Variants in PFKFB3 observed in about 807,000 individuals in gnomAD.
The protein encoded by PFKFB3 is 6-phosphofructo-2-kinase/fructose-2,6-bisphosphatase 3.
A neutral mutation model predicts 68.0 loss-of-function variants in PFKFB3; 33 were observed. The observed-to-expected ratio is 0.49, with a 90% CI of 0.37 to 0.65. The LOEUF (loss-of-function observed/expected upper bound fraction) is 0.65, where lower values mean the gene tolerates loss of function less well. Ranked by LOEUF, PFKFB3 falls within the 30% of genes least tolerant of loss-of-function variation. PFKFB3 has a pLI of 0.00. For missense variants in PFKFB3, 586 were observed against 712.2 expected, an observed-to-expected ratio of 0.82 and a Z score of 2.02; for synonymous variants, 315 against 288.2, an observed-to-expected ratio of 1.09 and a Z score of -0.94.
At chr10:6,182,171 T>C (rs1442352827) in intron 1 of PFKFB3, among the ~76,000 whole-genome samples, 1 of 152,122 alleles carries the variant, frequency 6.6e-6, no homozygotes, top group Non-Finnish European at 1.5e-5. Flanking sequence ...CCTCCCTGTC[T>C]CCCCAAGTTT....
chr10:6,236,070 C>G (rs556420810), downstream of PFKFB3, among the ~76,000 whole-genome samples: 1 of 152,128 alleles, frequency 6.6e-6, no homozygotes, highest in South Asian at 2.1e-4. Context: ...CCTGGCCCCA[C>G]GTCGGTTTTA....
chr10:6,152,836 G>A (rs573167832), intron 1 of PFKFB3, among the ~76,000 whole-genome samples: 2 of 151,950 alleles, frequency 1.3e-5, no homozygotes, highest in African/African-American at 4.8e-5. Context: ...AGCCTTGATC[G>A]TACCGCTGCA....
At chr10:6,183,694 A>ATT (rs199676467) in intron 1 of PFKFB3, among the ~76,000 whole-genome samples, 14 of 143,636 alleles carry the variant, frequency 9.7e-5, no homozygotes, top group East Asian at 6.0e-4. Context: ...TTTTTTTTTA[A>ATT]TTTTTTTTTT....
chr10:6,316,821 G>T, the PFKFB3 span, among the ~76,000 whole-genome samples: 6 of 152,216 alleles, frequency 3.9e-5, no homozygotes, highest in African/African-American at 1.4e-4. Context: ...TGCATATGAG[G>T]TACAGTCTAC....
rs750211278 is a variant in PFKFB3, at chr10:6,222,876, C to T, written c.1105C>T (p.Arg369Cys). ...TGESYQDLVQ[R>C]LEPVIMELER... is the part of the protein sequence containing the mutation. ...TCAGTCCTACCAGGACCTGGTCCAG[C>T]GCTTGGAGCCAGTGATCATGGAGCT... The change falls in exon 11 of 15, where the codon CGC becomes TGC. Residue 369 changes from arginine to cysteine, a missense_variant. Arg to Cys is a radical substitution (Grantham distance 180). Transcript: ENST00000379775. The T allele has an allele frequency of 9.3e-6, 15 of 1,613,576 alleles. No individual in the cohort carries two copies. The highest frequency in any genetic ancestry group is 1.6e-4 in the Middle Eastern group (1 of 6,068).
intron 1 of PFKFB3, among the ~76,000 whole-genome samples, chr10:6,205,739 C>G (rs560587675): frequency 1.3e-5 from 2 of 151,952 alleles, no homozygotes; most frequent in African/African-American, 4.8e-5. Context: ...TTATAAGTGG[C>G]CTTCTCATTG....
intron 1 of PFKFB3, among the ~76,000 whole-genome samples, chr10:6,206,610 G>T (rs1309964019): frequency 6.6e-6 from 1 of 150,772 alleles, no homozygotes; most frequent in Non-Finnish European, 1.5e-5. Flanking sequence ...CCCGGACGGG[G>T]TGGCTGCCGG....
chr10:6,213,773 C>G, intron 2 of PFKFB3, 25 bp downstream of exon 2: 2 of 1,606,138 alleles, frequency 1.2e-6, no homozygotes, highest in Non-Finnish European at 1.7e-6. Flanking sequence ...CGAGGCCGGA[C>G]CCCTGCTCGT....
In PFKFB3 at chr10:6,228,168, G is replaced by A; in HGVS notation, c.1515+1803G>A. 1 of 1,612,686 alleles carries A rather than the reference G, an allele frequency of 6.2e-7. No individual in the cohort carries two copies. The highest frequency in any genetic ancestry group is 8.5e-7 in the Non-Finnish European group (1 of 1,179,844). ...GCAGATTGCGCCCTGCCTCCTGACT[G>A]ACTTCTCTCTCTGCTTCTCCTCCGC... On this transcript the variant is annotated intron_variant, in intron 14 of 14. Coordinates refer to ENST00000379775, the MANE Select transcript of PFKFB3 (RefSeq NM_004566.4). The surrounding 1 kb of genome is among the most constrained non-coding windows in gnomAD (Gnocchi z 4.5).
chr10:6,183,601 C>CAAAAAA (rs773888395), intron 1 of PFKFB3, among the ~76,000 whole-genome samples: 3 of 127,850 alleles, frequency 2.3e-5, no homozygotes, highest in Admixed American at 8.1e-5. Context: ...CCAGCCTGGT[C>CAAAAAA]AAAAAAAAAA....
rs749129293 is a variant in PFKFB3 at position 6,220,637 on chromosome 10, C to T, written c.624-21C>T. 1.2e-6 allele frequency: 2 copies of T among 1,610,830 alleles called. No homozygotes were observed. Among genetic ancestry groups the T allele is most frequent in the Admixed American group, 3.3e-5 (2 of 59,998 alleles). On this transcript the variant is annotated intron_variant, in intron 7 of 14. Transcript: ENST00000379775. This position sits in a 1 kb window ranked among gnomAD's most constrained non-coding sequence, Gnocchi z 4.1. Reference sequence around the variant, plus strand: ...GTGGGTGGTGGCCTGAGCTGTGGTTCTCGGTGGGGTCTCTCTGCAGGGACT... The same window carrying T: ...GTGGGTGGTGGCCTGAGCTGTGGTTTTCGGTGGGGTCTCTCTGCAGGGACT...
downstream of PFKFB3, among the ~76,000 whole-genome samples, chr10:6,240,437 G>C (rs1210152046): frequency 6.6e-6 from 1 of 151,728 alleles, no homozygotes; most frequent in Non-Finnish European, 1.5e-5. Flanking sequence ...GATAATTTTC[G>C]CATTTTTAGT....
At chr10:6,148,317 T>C (rs1389161773) in intron 1 of PFKFB3, among the ~76,000 whole-genome samples, 1 of 152,220 alleles carries the variant, frequency 6.6e-6, no homozygotes, top group Non-Finnish European at 1.5e-5. Flanking sequence ...CTGGCTAGAA[T>C]GGAGCCAGAG....
chr10:6,226,057 G>A (rs551195910), intron 13 of PFKFB3, 135 bp from the exon 14 acceptor site: 55 of 732,302 alleles, frequency 7.5e-5, no homozygotes, highest in South Asian at 7.0e-4. Flanking sequence ...TCCCTGGCCC[G>A]TGGTCCCGGC....
the PFKFB3 span, among the ~76,000 whole-genome samples, chr10:6,310,112 CAT>C: frequency 2.0e-5 from 3 of 152,102 alleles, no homozygotes. Flanking sequence ...AGCGAGACTC[CAT>C]CAGCCCAGGC....
chr10:6,204,795 T>C (rs932718766), intron 1 of PFKFB3, among the ~76,000 whole-genome samples: 1 of 152,268 alleles, frequency 6.6e-6, no homozygotes, highest in East Asian at 1.9e-4. Flanking sequence ...AAACAACTTT[T>C]GCATAAAGCA....
the PFKFB3 span, among the ~76,000 whole-genome samples, chr10:6,295,367 G>A: frequency 3.7e-4 from 57 of 152,060 alleles, no homozygotes; most frequent in Admixed American, 2.7e-3. Context: ...GATTACAGGC[G>A]CCCACCTCCA....
the PFKFB3 span, among the ~76,000 whole-genome samples, chr10:6,270,670 G>T: frequency 6.6e-6 from 1 of 152,140 alleles, no homozygotes; most frequent in Non-Finnish European, 1.5e-5. Context: ...GCATCAGATG[G>T]TGTCATGGCA....
At chr10:6,187,949 TTCTATCTATCTA>T (rs36144362) in intron 1 of PFKFB3, among the ~76,000 whole-genome samples, 18 of 149,556 alleles carry the variant, frequency 1.2e-4, no homozygotes, top group East Asian at 9.8e-4. Flanking sequence ...CCCTCTCCAT[TTCTATCTATCTA>T]TCTATCTATC....
Sources: gnomAD v4.1 joint callset for allele counts (sites outside exome capture counted in the v4.1 genomes callset) on GRCh38, gnomAD v4.1.1 for gene constraint, Gnocchi (gnomAD v3.1) non-coding constraint, MANE v1.5 for transcripts, NCBI Gene and HGNC (gene_info 2026-07-23, HGNC 2026-07-21) for gene names.